Variants in TRPM3 observed in about 807,000 individuals in gnomAD.
TRPM3 encodes long transient receptor potential channel 3.
TRPM3 carries 77 observed loss-of-function variants against 181.2 expected under a neutral mutation model. That is an observed-to-expected ratio of 0.42 (90% CI 0.35 to 0.51). The LOEUF (loss-of-function observed/expected upper bound fraction) is 0.51, where lower values mean the gene tolerates loss of function less well. Ranked by LOEUF, TRPM3 falls within the 20% of genes least tolerant of loss-of-function variation. The pLI is 0.01. For synonymous variants in TRPM3, 745 were observed against 796.4 expected, an observed-to-expected ratio of 0.94 and a Z score of 1.09; for missense variants, 1,759 against 2,196.7, an observed-to-expected ratio of 0.80 and a Z score of 3.98.
intron 1 of TRPM3, among the ~76,000 whole-genome samples, chr9:71,261,688 A>G (rs1173604673): frequency 6.6e-6 from 1 of 152,118 alleles, no homozygotes; most frequent in African/African-American, 2.4e-5. Flanking sequence ...TGGAGTTTGC[A>G]TGGTCATCCT....
intron 8 of TRPM3, among the ~76,000 whole-genome samples, chr9:70,683,487 A>G (rs555842735): frequency 2.6e-4 from 25 of 95,504 alleles, no homozygotes; most frequent in Non-Finnish European, 4.3e-4. Flanking sequence ...TATGTTGCCC[A>G]GGCTGGTCCT....
At chr9:71,090,868 G>A (rs1474718984) in intron 1 of TRPM3, among the ~76,000 whole-genome samples, 1 of 152,124 alleles carries the variant, frequency 6.6e-6, no homozygotes, top group Non-Finnish European at 1.5e-5. Context: ...CATATAGGAA[G>A]TACTTAAAAA....
chr9:71,236,678 A>C (rs1004346572), intron 1 of TRPM3, among the ~76,000 whole-genome samples: 1 of 152,184 alleles, frequency 6.6e-6, no homozygotes, highest in African/African-American at 2.4e-5. Flanking sequence ...CCCTTCAATA[A>C]ATACATCTGC....
intron 1 of TRPM3, among the ~76,000 whole-genome samples, chr9:71,276,742 C>T (rs181498658): frequency 1.3e-4 from 20 of 152,256 alleles, no homozygotes; most frequent in Admixed American, 9.8e-4. Flanking sequence ...TTGGAAATCA[C>T]GTAGGAAAGT....
In TRPM3 at chr9:70,637,096, G is replaced by T. The variant is rs142190194; in HGVS notation, c.1582-1835C>A. 5.7e-3 allele frequency among the ~76,000 whole-genome samples: 871 copies of T among 152,244 alleles called. 10 individuals carry two copies. Among genetic ancestry groups the T allele is most frequent in the African/African-American group, 0.018 (768 of 41,538 alleles). On this transcript the variant is annotated intron_variant, in intron 11 of 25. Coordinates refer to ENST00000677713, the MANE Select transcript of TRPM3 (RefSeq NM_001366145.2). ...ATCAGAGCTCTTTTTCCACTGAGGG[G>T]ATGCTGGATTGTGCAGTGATTTAGC...
intron 1 of TRPM3, among the ~76,000 whole-genome samples, chr9:71,261,050 G>A (rs2083019007): frequency 6.6e-6 from 1 of 152,126 alleles, no homozygotes; most frequent in Admixed American, 6.5e-5. Flanking sequence ...ATGTTGGCCT[G>A]CCTTGCTAGG....
chr9:70,601,517 G>C (rs1346518341), intron 20 of TRPM3, among the ~76,000 whole-genome samples: 1 of 152,158 alleles, frequency 6.6e-6, no homozygotes, highest in African/African-American at 2.4e-5. Flanking sequence ...TGGTCGTCAA[G>C]CAACTCTTCA....
intron 3 of TRPM3, among the ~76,000 whole-genome samples, chr9:70,854,707 T>C (rs1452172417): frequency 1.3e-5 from 2 of 152,194 alleles, no homozygotes. Flanking sequence ...TCGAATAAGT[T>C]ACTCATGGCT....
chr9:71,106,353 C>A (rs908417416), intron 1 of TRPM3, among the ~76,000 whole-genome samples: 1 of 152,100 alleles, frequency 6.6e-6, no homozygotes, highest in Non-Finnish European at 1.5e-5. Flanking sequence ...GCAGATCCCT[C>A]GTGAATGGCT....
intron 1 of TRPM3, among the ~76,000 whole-genome samples, chr9:71,192,315 G>A (rs974277999): frequency 1.4e-4 from 22 of 151,894 alleles, no homozygotes; most frequent in African/African-American, 5.1e-4. Context: ...GAAAAGGCAT[G>A]AAGTTTTGCT....
chr9:71,051,934 A>AT (rs1554813232), intron 1 of TRPM3, among the ~76,000 whole-genome samples: 1 of 151,850 alleles, frequency 6.6e-6, no homozygotes, highest in Non-Finnish European at 1.5e-5. Context: ...TGTTATCTCT[A>AT]GGGGGGTTGT....
intron 22 of TRPM3, among the ~76,000 whole-genome samples, chr9:70,572,673 A>G (rs987279153): frequency 6.6e-6 from 1 of 152,106 alleles, no homozygotes; most frequent in Middle Eastern, 3.2e-3. Flanking sequence ...GGGTTTTTGG[A>G]AAAAAATCAC....
chr9:70,543,744 A>G (rs2044125007), intron 25 of TRPM3, among the ~76,000 whole-genome samples: 1 of 152,224 alleles, frequency 6.6e-6, no homozygotes, highest in Admixed American at 6.5e-5. Context: ...ATACTGCTAA[A>G]TCCTTGCATT....
intron 1 of TRPM3, among the ~76,000 whole-genome samples, chr9:71,082,139 G>A (rs1204413668): frequency 1.3e-5 from 2 of 152,002 alleles, no homozygotes; most frequent in East Asian, 1.9e-4. Flanking sequence ...GTTATCAGTC[G>A]AATACTCTCA....
chr9:70,875,155 T>C (rs1390777671), intron 1 of TRPM3, among the ~76,000 whole-genome samples: 1 of 151,644 alleles, frequency 6.6e-6, no homozygotes, highest in Admixed American at 6.6e-5. Context: ...CGATTAGGAG[T>C]CTCAAGATAT....
At chr9:70,873,469 G>A (rs1356786742) in intron 1 of TRPM3, among the ~76,000 whole-genome samples, 1 of 151,902 alleles carries the variant, frequency 6.6e-6, no homozygotes, top group East Asian at 1.9e-4. Flanking sequence ...CTTCATTTCT[G>A]TACAAATCTT....
intron 1 of TRPM3, among the ~76,000 whole-genome samples, chr9:71,438,292 T>C (rs777491943): frequency 4.6e-5 from 7 of 152,184 alleles, no homozygotes; most frequent in Admixed American, 6.5e-5. Context: ...TATGAGATAA[T>C]CAAGTAAATA....
At chr9:70,742,053 A>G (rs554655492) in intron 8 of TRPM3, among the ~76,000 whole-genome samples, 11 of 152,272 alleles carry the variant, frequency 7.2e-5, no homozygotes, top group Non-Finnish European at 1.3e-4. Context: ...AAGTTTTTTA[A>G]TTTTTTAAAA....
chr9:71,038,197 G>C (rs1415562713), intron 1 of TRPM3, among the ~76,000 whole-genome samples: 1 of 152,186 alleles, frequency 6.6e-6, no homozygotes. Flanking sequence ...GCGCATATTA[G>C]GCATTTGAGA....
Sources: gnomAD v4.1 joint callset for allele counts (sites outside exome capture counted in the v4.1 genomes callset) on GRCh38, gnomAD v4.1.1 for gene constraint, MANE v1.5 for transcripts, NCBI Gene and HGNC (gene_info 2026-07-23, HGNC 2026-07-21) for gene names.